Variants in TTLL4 observed in about 807,000 individuals in gnomAD.
The protein encoded by TTLL4 is tubulin tyrosine ligase like 4.
Under a neutral mutation model 122.7 loss-of-function variants are expected in TTLL4, and 85 were observed. The ratio of observed to expected loss-of-function variants is 0.69; its 90% CI spans 0.58 to 0.83. TTLL4 has a LOEUF of 0.83. Among genes scored for constraint, TTLL4 ranks in the 40% least tolerant of loss-of-function variants. The pLI, the probability that TTLL4 is intolerant of heterozygous loss-of-function variation, is 0.00. For synonymous variants in TTLL4, 553 were observed against 563.0 expected (o/e 0.98, Z 0.25); for missense variants, 1,363 against 1,488.6 (o/e 0.92, Z 1.39).
rs2272188 is a variant in TTLL4, at chr2:218,747,559, A to G, written c.2250-38A>G. The stretch of plus-strand genomic sequence containing the variant: ...GCTTGGTTACCCACTGAGCCCCATC[A>G]TCTGGCTGTATGAGAAGCTGGCCTT... On this transcript the variant is annotated intron_variant, in intron 10 of 19. Transcript: ENST00000392102. This position sits in a 1 kb window ranked among gnomAD's most constrained non-coding sequence, Gnocchi z 4.7. The G allele has an allele frequency of 0.47, 753,052 of 1,608,084 alleles. 181,315 individuals are homozygous for G. Among genetic ancestry groups the G allele is most frequent in the African/African-American group, 0.62 (46,236 of 74,870 alleles).
At chr2:218,730,438 G>C (rs1399632113) in intron 2 of TTLL4, among the ~76,000 whole-genome samples, 1 of 151,760 alleles carries the variant, frequency 6.6e-6, no homozygotes, top group African/African-American at 2.4e-5. Flanking sequence ...AACCTGGGAG[G>C]GGGAGGTTGC....
chr2:218,757,616 A>G (rs994738499), downstream of TTLL4, among the ~76,000 whole-genome samples: 1 of 152,110 alleles, frequency 6.6e-6, no homozygotes, highest in Non-Finnish European at 1.5e-5. Flanking sequence ...CAGCTGTACG[A>G]AGGGGCAGTT....
In TTLL4 at chr2:218,747,771, AT is replaced by A. The variant is rs1942889233; in HGVS notation, c.2378+50del. 3 of 1,608,542 alleles carry A rather than the reference AT, an allele frequency of 1.9e-6. No homozygotes were observed. The highest frequency in any genetic ancestry group is 2.5e-6 in the Non-Finnish European group (3 of 1,176,558). On this transcript the variant is annotated intron_variant, in intron 11 of 19. Transcript: ENST00000392102. This position sits in a 1 kb window ranked among gnomAD's most constrained non-coding sequence, Gnocchi z 4.7. Reference sequence around the variant, plus strand: ...ATCCTCTGACAATATTGGGGATTTTATTTTCCTTGGAGGGAGGGAAACTAGA... The same window carrying A: ...ATCCTCTGACAATATTGGGGATTTTATTTCCTTGGAGGGAGGGAAACTAGA...
chr2:218,728,068 G>T (rs1481536612), intron 2 of TTLL4: 2 of 130,232 alleles, frequency 1.5e-5, no homozygotes, highest in African/African-American at 6.0e-5. Flanking sequence ...TTGGCCCCAG[G>T]TTTGTCTTGG....
At chr2:218,759,061 A>G (rs944010093), downstream of TTLL4, among the ~76,000 whole-genome samples, 10 of 151,776 alleles carry the variant, frequency 6.6e-5, no homozygotes, top group East Asian at 1.9e-4. Context: ...CCTGACCAAC[A>G]TGGAGAAACG....
intron 15 of TTLL4, among the ~76,000 whole-genome samples, chr2:218,751,148 C>G (rs1024607589): frequency 8.1e-6 from 1 of 122,932 alleles, no homozygotes; most frequent in African/African-American, 2.9e-5. Flanking sequence ...CCGCTTTACC[C>G]TGTAGACTCA....
rs1943131418 is a variant in TTLL4, at chr2:218,755,368, G to A, written c.*979G>A. The A allele has an allele frequency of 6.6e-6, 1 of 152,128 alleles. No individual in the cohort carries two copies. Among genetic ancestry groups the A allele is most frequent in the African/African-American group, 2.4e-5 (1 of 41,382 alleles). 9.4% of individuals were successfully genotyped at this position (152,128 alleles called of 1,614,324 possible). On this transcript the variant is annotated 3_prime_UTR_variant, in exon 20 of 20. Transcript: ENST00000392102. Reference sequence around the variant, plus strand: ...TCAGACTAAACTCTTGTACTGAACTGATTCTACCTCCCTCCTCTAGACTCA... The same window carrying A: ...TCAGACTAAACTCTTGTACTGAACTAATTCTACCTCCCTCCTCTAGACTCA...
At chr2:218,717,470 T>A (rs1941896600) in intron 1 of TTLL4, among the ~76,000 whole-genome samples, 1 of 152,158 alleles carries the variant, frequency 6.6e-6, no homozygotes, top group South Asian at 2.1e-4. Flanking sequence ...TTCCACTGGT[T>A]TCACTTTTCA....
downstream of TTLL4, among the ~76,000 whole-genome samples, chr2:218,755,765 C>G (rs1943139792): frequency 6.6e-6 from 1 of 152,168 alleles, no homozygotes; most frequent in Admixed American, 6.5e-5. Flanking sequence ...GTAGCTGCCC[C>G]CATTCTCTCT....
intron 2 of TTLL4, among the ~76,000 whole-genome samples, chr2:218,730,503 G>C (rs977868845): frequency 6.6e-6 from 1 of 151,522 alleles, no homozygotes; most frequent in African/African-American, 2.4e-5. Flanking sequence ...GCGAGACGCT[G>C]TCTCAAAGTA....
intron 2 of TTLL4, among the ~76,000 whole-genome samples, chr2:218,730,549 GGA>G (rs751477436): frequency 4.0e-5 from 6 of 151,892 alleles, no homozygotes; most frequent in African/African-American, 1.4e-4. Flanking sequence ...AAAAAGAAAT[GGA>G]GAGAGTGGAC....
chr2:218,749,096 C>T (rs1304466973), intron 13 of TTLL4, among the ~76,000 whole-genome samples, 157 bp from the exon 14 acceptor site: 1 of 152,152 alleles, frequency 6.6e-6, no homozygotes, highest in African/African-American at 2.4e-5. Flanking sequence ...GAACCTCATC[C>T]CCAGGAGCTG....
At position 218,738,385 on chromosome 2, in the gene TTLL4, C is replaced by G. The variant is rs1401059964; in HGVS notation, c.709C>G (p.Gln237Glu). The change falls in exon 3 of 20, where the codon CAG (glutamine) becomes GAG (glutamate). Residue 237 changes from glutamine to glutamate, a missense_variant. By Grantham distance (29) the Gln-to-Glu change is conservative. This residue lies in a region of TTLL4 where 760 missense variants were observed against 808.4 expected (regional missense o/e 0.94). Transcript: ENST00000392102. Reference protein sequence around the residue: ...STPVPLLQTTQGLKPVSPPKI... With the variant: ...STPVPLLQTTEGLKPVSPPKI... ...GCCAGTGCCTTTATTGCAGACCACA[C>G]AGGGCCTGAAGCCAGTATCGCCACC... The G allele has an allele frequency of 1.2e-6, 2 of 1,614,172 alleles. No individual in the cohort carries two copies. The highest frequency in any genetic ancestry group is 2.7e-5 in the African/African-American group (2 of 75,066).
At position 218,738,486 on chromosome 2, in the gene TTLL4, G is replaced by T. The variant is rs754199020; in HGVS notation, c.810G>T (p.Val270=). 2.5e-6 allele frequency: 4 copies of T among 1,614,140 alleles called. No individual in the cohort carries two copies. The highest frequency in any genetic ancestry group is 3.4e-6 in the Non-Finnish European group (4 of 1,180,046). The part of the protein sequence containing the change: ...DCAPQPVDHK[V]PKSIGTVPAD... ...CACCGCAGCCTGTTGACCATAAGGT[G>T]CCCAAAAGCATTGGCACTGTCCCAG... The change falls in exon 3 of 20, where the codon GTG becomes GTT. Residue 270 remains valine, a synonymous_variant. Transcript: ENST00000392102.
At chr2:218,751,647 C>G (rs1439156372) in intron 15 of TTLL4, 57 bp from the exon 16 acceptor site, 1 of 1,586,182 alleles carries the variant, frequency 6.3e-7, no homozygotes, top group African/African-American at 1.4e-5. Context: ...TCCATATTTC[C>G]TCCAAATAAG....
At chr2:218,741,786 A>T (rs1336108764) in intron 5 of TTLL4, among the ~76,000 whole-genome samples, 3 of 152,108 alleles carry the variant, frequency 2.0e-5, no homozygotes, top group African/African-American at 7.2e-5. Context: ...CCTTTTTTAC[A>T]CTTAAGGGCC....
Position 218,740,038 on chromosome 2 carries a change from G to T in TTLL4, c.1488-20G>T. 6.2e-7 allele frequency: 1 copy of T among 1,610,064 alleles called. No individual in the cohort carries two copies. Among genetic ancestry groups the T allele is most frequent in the Non-Finnish European group, 8.5e-7 (1 of 1,176,472 alleles). ...CTTTGATGGAGTTGACTAGGCTGGGGGCATGATTCTTTCTTTTAGTTCAGC... is the reference window on the plus strand; with the variant it reads ...CTTTGATGGAGTTGACTAGGCTGGGTGCATGATTCTTTCTTTTAGTTCAGC... On this transcript the variant is annotated intron_variant, in intron 3 of 19. Coordinates refer to ENST00000392102, the MANE Select transcript of TTLL4 (RefSeq NM_014640.5).
Position 218,737,937 on chromosome 2 carries a change from A to G in TTLL4, c.261A>G (p.Leu87=), listed in dbSNP as rs1408628161. Residue 87 remains leucine, a synonymous_variant, in exon 3 of 20, where the codon TTA becomes TTG. Coordinates refer to ENST00000392102, the MANE Select transcript of TTLL4 (RefSeq NM_014640.5). The part of the protein sequence containing the change: ...QPAYFFCPST[L]CSSGTTAVIA... ...CATATTTCTTTTGCCCCAGCACTTT[A>G]TGTAGCTCTGGGACCACGGCTGTCA... 4 of 1,614,102 alleles carry G rather than the reference A, an allele frequency of 2.5e-6. No homozygotes were observed. The highest frequency in any genetic ancestry group is 1.7e-5 in the Admixed American group (1 of 60,014).
Position 218,754,157 on chromosome 2 carries a change from G to A in TTLL4, c.3368G>A (p.Ser1123Asn). Residue 1123 changes from serine (S) to asparagine (N), a missense_variant, in exon 20 of 20, where the codon AGC (serine) becomes AAC (asparagine). Ser to Asn is a conservative substitution (Grantham distance 46). Transcript: ENST00000392102. ...AGAAAACAAAGCTCCTGTGAGGTTA[G>A]CCTACTACTCTCTGAAGACGGGACC... ...KLGKQSSCEV[S>N]LLLSEDGTTP... is the part of the protein sequence containing the mutation. 1.2e-6 allele frequency: 2 copies of A among 1,614,128 alleles called. No homozygotes were observed. Among genetic ancestry groups the A allele is most frequent in the East Asian group, 2.2e-5 (1 of 44,886 alleles).
Sources: allele counts gnomAD v4.1 joint callset (sites outside exome capture counted in the v4.1 genomes callset), GRCh38; gene constraint gnomAD v4.1.1; regional missense constraint gnomAD v4.1.1; non-coding constraint Gnocchi (gnomAD v3.1); transcripts MANE v1.5; gene names NCBI Gene and HGNC (gene_info 2026-07-23, HGNC 2026-07-21).